CCN4: variants seen among roughly 807,000 people sequenced by gnomAD.
CCN4 encodes cellular communication network factor 4.
CCN4 carries 30 observed loss-of-function variants against 36.7 expected under a neutral mutation model. The ratio of observed to expected loss-of-function variants is 0.82; its 90% CI spans 0.61 to 1.11. The LOEUF is 1.11. Among genes scored for constraint, CCN4 ranks in the 50% least tolerant of loss-of-function variants. The pLI is 0.00. For missense variants in CCN4, 505 were observed against 504.9 expected (o/e 1.00, Z 0.00); for synonymous variants, 191 against 195.4 (o/e 0.98, Z 0.19).
At chr8:133,192,047 G>T (rs1219124306) in intron 1 of CCN4, among the ~76,000 whole-genome samples, 2 of 152,212 alleles carry the variant, frequency 1.3e-5, no homozygotes, top group Non-Finnish European at 2.9e-5. Context: ...AGTGCAAGGA[G>T]GGCAGGAGGT....
At chr8:133,203,841 G>A (rs536093311) in intron 1 of CCN4, among the ~76,000 whole-genome samples, 1 of 152,282 alleles carries the variant, frequency 6.6e-6, no homozygotes, top group South Asian at 2.1e-4. Flanking sequence ...AGCCTCCCAC[G>A]TTCTGCTCCT....
intron 3 of CCN4, among the ~76,000 whole-genome samples, chr8:133,222,245 C>A (rs1854564029): frequency 6.6e-6 from 1 of 152,202 alleles, no homozygotes; most frequent in South Asian, 2.1e-4. Flanking sequence ...ACACAAGAGG[C>A]ATTGCTTGAG....
intron 1 of CCN4, among the ~76,000 whole-genome samples, chr8:133,195,799 C>T (rs373777231): frequency 3.3e-5 from 5 of 152,216 alleles, no homozygotes; most frequent in South Asian, 2.1e-4. Context: ...GAAAAGGCTC[C>T]GGCCCTGTGC....
intron 2 of CCN4, among the ~76,000 whole-genome samples, chr8:133,220,058 C>T (rs1588201977): frequency 6.6e-6 from 1 of 152,242 alleles, no homozygotes; most frequent in Non-Finnish European, 1.5e-5. Flanking sequence ...GCCAACATTC[C>T]ATATGACCTT....
At chr8:133,210,946 G>A (rs1854002176) in intron 1 of CCN4, among the ~76,000 whole-genome samples, 1 of 152,228 alleles carries the variant, frequency 6.6e-6, no homozygotes, top group Non-Finnish European at 1.5e-5. Context: ...TAGGGAAAGG[G>A]TGGATTTGAC....
chr8:133,199,195 G>A (rs1305164628), intron 1 of CCN4, among the ~76,000 whole-genome samples: 4 of 152,256 alleles, frequency 2.6e-5, no homozygotes, highest in Non-Finnish European at 5.9e-5. Flanking sequence ...AGGACAGAAC[G>A]AGGAGTCAGG....
chr8:133,194,343 TGGGGGGGTGGTG>T, intron 1 of CCN4, among the ~76,000 whole-genome samples: 1 of 42,424 alleles, frequency 2.4e-5, no homozygotes, highest in Non-Finnish European at 4.3e-5. Context: ...GTGGTGTGTG[TGGGGGGGTGGTG>T]GTGTGTGGGG....
At chr8:133,212,764 C>A in intron 1 of CCN4, 100 bp from the exon 2 acceptor site, 1 of 928,584 alleles carries the variant, frequency 1.1e-6, no homozygotes, top group Non-Finnish European at 1.6e-6. Context: ...TTATGAAAAC[C>A]TTTTGAACAG....
rs1163657959 is a variant in CCN4 at position 133,231,047 on chromosome 8, A to G, written c.*3337A>G. The stretch of plus-strand genomic sequence containing the variant: ...CCCCAAATCAAAAGGCATGACCTTT[A>G]TAAGAGGCGCTTTACTGACAATAGC... On this transcript the variant is annotated 3_prime_UTR_variant, in exon 5 of 5. Coordinates refer to ENST00000250160, the MANE Select transcript of CCN4 (RefSeq NM_003882.4). 2 of 152,238 alleles carry G rather than the reference A, an allele frequency of 1.3e-5. No individual in the cohort carries two copies. 9.4% of individuals were successfully genotyped at this position (152,238 alleles called of 1,614,324 possible).
rs575452959 is a variant in CCN4, at chr8:133,230,897, T to A, written c.*3187T>A. 2 of 152,270 alleles carry A rather than the reference T, an allele frequency of 1.3e-5. No individual in the cohort carries two copies. The highest frequency in any genetic ancestry group is 4.1e-4 in the South Asian group (2 of 4,828). The allele number at this position is 152,270 out of a possible 1,614,324, so 9.4% of individuals were successfully genotyped here. On this transcript the variant is annotated 3_prime_UTR_variant, in exon 5 of 5. Coordinates refer to ENST00000250160, the MANE Select transcript of CCN4 (RefSeq NM_003882.4). ...ATAGAATATGGCATTATCATCTGAG[T>A]CTCACAGAAGTTTAGTCGTGTACTC...
At chr8:133,197,624 C>T (rs879751545) in intron 1 of CCN4, among the ~76,000 whole-genome samples, 21 of 152,134 alleles carry the variant, frequency 1.4e-4, no homozygotes, top group African/African-American at 2.2e-4. Context: ...GAGACTGCCT[C>T]GCAAATGTGA....
intron 3 of CCN4, among the ~76,000 whole-genome samples, chr8:133,223,597 CTTTT>C (rs1222407270): frequency 1.3e-5 from 2 of 152,014 alleles, no homozygotes; most frequent in African/African-American, 4.8e-5. Flanking sequence ...TCCCTTCATT[CTTTT>C]TATTACTTTT....
intron 1 of CCN4, among the ~76,000 whole-genome samples, chr8:133,204,472 A>G (rs1307953893): frequency 6.6e-6 from 1 of 152,062 alleles, no homozygotes; most frequent in Non-Finnish European, 1.5e-5. Flanking sequence ...AGTGGTTCCT[A>G]TTTCTATAAA....
chr8:133,196,337 A>G (rs1428831613), intron 1 of CCN4, among the ~76,000 whole-genome samples: 2 of 152,248 alleles, frequency 1.3e-5, no homozygotes, highest in African/African-American at 2.4e-5. Context: ...TTCCAGAGAC[A>G]TGGTATGAAT....
intron 1 of CCN4, among the ~76,000 whole-genome samples, chr8:133,210,885 G>T (rs1296617816): frequency 6.6e-6 from 1 of 152,234 alleles, no homozygotes; most frequent in Non-Finnish European, 1.5e-5. Flanking sequence ...AGGTGAAAAA[G>T]ATAGGAAGGG....
intron 2 of CCN4, 85 bp downstream of exon 2, chr8:133,213,228 G>T: frequency 6.8e-7 from 1 of 1,476,500 alleles, no homozygotes; most frequent in Non-Finnish European, 9.2e-7. Context: ...CACCCCCACA[G>T]CCTTTCACCT....
rs1036664470 is a variant in CCN4, at chr8:133,229,252, A to G, written c.*1542A>G. ...CGAAATTGGACTGTCTTTATAACCC[A>G]TATTTTCCCCCTGTTTTTAGAGCTT... is the stretch of plus-strand genomic sequence containing the variant. On this transcript the variant is annotated 3_prime_UTR_variant, in exon 5 of 5. Transcript: ENST00000250160. The G allele has an allele frequency of 5.9e-5, 9 of 152,188 alleles. No individual in the cohort carries two copies. The highest frequency in any genetic ancestry group is 5.9e-4 in the Admixed American group (9 of 15,268). 9.4% of individuals were successfully genotyped at this position (152,188 alleles called of 1,614,324 possible). A position where few individuals can be genotyped will look rare whatever the true frequency, so the allele number is the denominator to read the frequency against.
chr8:133,220,942 C>T (rs1294131916), intron 3 of CCN4, 101 bp downstream of exon 3: 9 of 1,435,724 alleles, frequency 6.3e-6, no homozygotes, highest in Non-Finnish European at 7.4e-6. Flanking sequence ...CCCCAGTCCA[C>T]TACCTACTAG....
At chr8:133,200,800 C>T (rs1190217008) in intron 1 of CCN4, among the ~76,000 whole-genome samples, 1 of 152,184 alleles carries the variant, frequency 6.6e-6, no homozygotes, top group East Asian at 1.9e-4. Flanking sequence ...CATCCTCTGT[C>T]CCGGGCCCCT....
Sources: allele counts gnomAD v4.1 joint callset (sites outside exome capture counted in the v4.1 genomes callset), GRCh38; gene constraint gnomAD v4.1.1; transcripts MANE v1.5; gene names NCBI Gene and HGNC (gene_info 2026-07-23, HGNC 2026-07-21).